Variants in PPP1R12C observed in about 807,000 individuals in gnomAD.
PPP1R12C encodes leukocyte receptor cluster (LRC) encoded novel gene 3.
PPP1R12C carries 48 observed loss-of-function variants against 95.6 expected under a neutral mutation model. The ratio of observed to expected loss-of-function variants is 0.50; its 90% CI spans 0.40 to 0.64. PPP1R12C has a LOEUF of 0.64. Among genes scored for constraint, PPP1R12C ranks in the 30% least tolerant of loss-of-function variants. The probability of loss-of-function intolerance (pLI) is 0.00; values close to 1 mark genes in which losing one functional copy is unlikely to be tolerated. For missense variants in PPP1R12C, 1,057 were observed against 1,083.3 expected, an observed-to-expected ratio of 0.98 and a Z score of 0.34; for synonymous variants, 480 against 460.8, an observed-to-expected ratio of 1.04 and a Z score of -0.53.
chr19:55,106,540 C>T (rs905834070), intron 3 of PPP1R12C, among the ~76,000 whole-genome samples: 6 of 152,358 alleles, frequency 3.9e-5, no homozygotes, highest in East Asian at 3.9e-4. Flanking sequence ...CCTCTTCCAG[C>T]TGACTTGGAT....
At position 55,097,607 on chromosome 19, in the gene PPP1R12C, G is replaced by A. The variant is rs867139555; in HGVS notation, c.951+1177C>T. Among the ~76,000 whole-genome samples the A allele has an allele frequency of 3.9e-3, 27 of 6,908 alleles. 1 individual carries two copies. The highest frequency in any genetic ancestry group is 0.14 in the Middle Eastern group (2 of 14). 4.5% of individuals were successfully genotyped at this position (6,908 alleles called of 152,430 possible). Reference sequence around the variant, plus strand: ...CCCCGCGCAGTTCACCACCGTCTTCGCCCCTTCCCCGCGCAGTTCACCACC... The same window carrying A: ...CCCCGCGCAGTTCACCACCGTCTTCACCCCTTCCCCGCGCAGTTCACCACC... On this transcript the variant is annotated intron_variant, in intron 6 of 21. Coordinates refer to ENST00000263433, the MANE Select transcript of PPP1R12C (RefSeq NM_017607.4).
At chr19:55,107,551 A>AG (rs1298370582) in intron 3 of PPP1R12C, among the ~76,000 whole-genome samples, 1 of 152,148 alleles carries the variant, frequency 6.6e-6, no homozygotes, top group Non-Finnish European at 1.5e-5. Context: ...TGTCCTTTGT[A>AG]GGGACATGGA....
Position 55,095,330 on chromosome 19 carries a change from G to T in PPP1R12C, c.1415C>A (p.Thr472Asn), listed in dbSNP as rs772476310. 3.1e-6 allele frequency: 5 copies of T among 1,591,902 alleles called. No individual in the cohort carries two copies. In the African/African-American group the frequency reaches 6.7e-5, roughly 21 times the overall value. ...QAKELRLARI[T>N]PTPSPKLPEP... ...CGGCAGCTTCGGGGAGGGGGTCGGG[G>T]TAATTCTGGCAAGACGGAGCTCCTT... The change falls in exon 11 of 22, where the codon ACC becomes AAC. Residue 472 changes from threonine to asparagine, a missense_variant. Coordinates refer to ENST00000263433, the MANE Select transcript of PPP1R12C (RefSeq NM_017607.4).
At chr19:55,094,589 C>T (rs1042892605) in intron 12 of PPP1R12C, 72 bp downstream of exon 12, 10 of 1,526,820 alleles carry the variant, frequency 6.5e-6, no homozygotes, top group South Asian at 1.2e-5. Context: ...CCCAAAGCCC[C>T]GGGACTCCTG....
Position 55,099,098 on chromosome 19 carries a change from G to A in PPP1R12C, c.732-3C>T. On this transcript the variant is annotated splice_region_variant and splice_polypyrimidine_tract_variant and intron_variant, in intron 4 of 21. Transcript: ENST00000263433. ...CGTAGCCAGCCTGAAGGAGCAACCTGGGGGCCAGGGAGGCTCAGGGTCAGA... is the reference window on the plus strand; with the variant it reads ...CGTAGCCAGCCTGAAGGAGCAACCTAGGGGCCAGGGAGGCTCAGGGTCAGA... 1 of 1,532,626 alleles carries A rather than the reference G, an allele frequency of 6.5e-7. No homozygotes were observed. Among genetic ancestry groups the A allele is most frequent in the Non-Finnish European group, 8.8e-7 (1 of 1,137,306 alleles). 94.9% of individuals were successfully genotyped at this position (1,532,626 alleles called of 1,614,324 possible).
chr19:55,113,819 T>G, intron 1 of PPP1R12C: 1 of 214,048 alleles, frequency 4.7e-6, no homozygotes, highest in Non-Finnish European at 9.2e-6. Context: ...GTCATGGCGA[T>G]AGGGGAGGGG....
At chr19:55,096,961 G>C (rs11672675) in intron 6 of PPP1R12C, 1 of 55,758 alleles carries the variant, frequency 1.8e-5, no homozygotes, top group South Asian at 1.2e-4. Context: ...CACTGTCTTC[G>C]CCCCTTCCCC....
intron 3 of PPP1R12C, among the ~76,000 whole-genome samples, chr19:55,105,072 T>TTC (rs918956258): frequency 2.8e-5 from 4 of 144,132 alleles, no homozygotes; most frequent in African/African-American, 1.0e-4. Context: ...ATCTGACCCT[T>TTC]TTTTTTTTTT....
chr19:55,112,830 C>T (rs1378391294), intron 1 of PPP1R12C, 35 bp from the exon 2 acceptor site: 10 of 1,608,136 alleles, frequency 6.2e-6, no homozygotes, highest in Non-Finnish European at 7.6e-6. Context: ...CCGCACCTAC[C>T]CCAGCCACGG....
chr19:55,103,511 C>G lies in PPP1R12C; in HGVS notation c.629G>C (p.Arg210Thr). The G allele has an allele frequency of 6.2e-7, 1 of 1,603,480 alleles. No individual in the cohort carries two copies. The highest frequency in any genetic ancestry group is 1.1e-5 in the South Asian group (1 of 90,388). The change falls in exon 4 of 22, where the codon AGG becomes ACG. Residue 210 changes from arginine to threonine, a missense_variant. Transcript: ENST00000263433. ...AEEELLLHDTRCWLNGGAMPE... is the reference protein window; with the variant it reads ...AEEELLLHDTTCWLNGGAMPE... The stretch of plus-strand genomic sequence containing the variant: ...CATGGCGCCCCCATTCAGCCAGCAC[C>G]TCGTGTCATGAAGGAGCAATTCCTC...
At chr19:55,092,056 A>G in intron 19 of PPP1R12C, 147 bp from the exon 20 acceptor site, 1 of 1,183,070 alleles carries the variant, frequency 8.5e-7, no homozygotes, top group Non-Finnish European at 1.2e-6. Context: ...CGGCAGGCCC[A>G]CAGCCCCATC....
At chr19:55,102,713 G>C (rs1362268621) in intron 4 of PPP1R12C, among the ~76,000 whole-genome samples, 1 of 152,152 alleles carries the variant, frequency 6.6e-6, no homozygotes, top group Non-Finnish European at 1.5e-5. Context: ...AAAACAGCAT[G>C]ATTACAAGGT....
chr19:55,115,837 T>C (rs1325020868), intron 1 of PPP1R12C, among the ~76,000 whole-genome samples: 1 of 152,092 alleles, frequency 6.6e-6, no homozygotes, highest in African/African-American at 2.4e-5. Context: ...GCCCTGGGAA[T>C]ATAAGGTGGT....
chr19:55,096,160 C>T lies in PPP1R12C; in HGVS notation c.1044G>A (p.Leu348=), dbSNP rs753109082. The T allele has an allele frequency of 1.2e-6, 2 of 1,604,542 alleles. No individual in the cohort carries two copies. Among genetic ancestry groups the T allele is most frequent in the South Asian group, 1.1e-5 (1 of 90,564 alleles). ...SKHRRSSVCR[L]SSREKISLQD... ...GGAGGGAAATCTTCTCGCGACTGCT[C>T]AGACGACACACAGAGCTCCTGTTGG... The change falls in exon 8 of 22, where the codon CTG becomes CTA. Residue 348 remains leucine (L), a synonymous_variant. Coordinates refer to ENST00000263433, the MANE Select transcript of PPP1R12C (RefSeq NM_017607.4).
chr19:55,098,749 G>A (rs2084949839), intron 6 of PPP1R12C, 35 bp downstream of exon 6: 24 of 1,612,014 alleles, frequency 1.5e-5, no homozygotes, highest in Non-Finnish European at 2.0e-5. Context: ...GGGACATGGG[G>A]AGTCTGGGGT....
At chr19:55,111,028 A>G (rs1475117663) in intron 3 of PPP1R12C, among the ~76,000 whole-genome samples, 2 of 151,876 alleles carry the variant, frequency 1.3e-5, no homozygotes, top group Admixed American at 6.6e-5. Flanking sequence ...GAGAGAAGGA[A>G]CACAAATCTA....
intron 3 of PPP1R12C, among the ~76,000 whole-genome samples, chr19:55,108,717 T>C (rs1249358009): frequency 5.3e-5 from 8 of 152,194 alleles, no homozygotes; most frequent in Non-Finnish European, 1.2e-4. Context: ...TGTTTTGTTT[T>C]TTGTTTTGAG....
chr19:55,113,640 CG>C, intron 1 of PPP1R12C: 1 of 1,243,406 alleles, frequency 8.0e-7, no homozygotes, highest in Non-Finnish European at 1.0e-6. Flanking sequence ...CCTAGATCCA[CG>C]GGATAAATTA....
intron 3 of PPP1R12C, among the ~76,000 whole-genome samples, chr19:55,107,950 T>TC (rs1372710493): frequency 1.3e-4 from 20 of 151,052 alleles, no homozygotes; most frequent in Middle Eastern, 3.4e-3. Context: ...TTTTTTTTTT[T>TC]TGAGATGCTG....
Sources: gnomAD v4.1 joint callset for allele counts (sites outside exome capture counted in the v4.1 genomes callset) on GRCh38, gnomAD v4.1.1 for gene constraint, MANE v1.5 for transcripts, NCBI Gene and HGNC (gene_info 2026-07-23, HGNC 2026-07-21) for gene names.